Variants in EEA1 observed in about 807,000 individuals in gnomAD.
EEA1 encodes the protein early endosome antigen 1.
Under a neutral mutation model 209.2 loss-of-function variants are expected in EEA1, and 111 were observed. That is an observed-to-expected ratio of 0.53 (90% CI 0.45 to 0.62). The LOEUF (loss-of-function observed/expected upper bound fraction) is 0.62. EEA1 is among the 20% of genes least tolerant of loss of function. EEA1 has a pLI of 0.00. For missense variants in EEA1, 1,343 were observed against 1,530.8 expected, an observed-to-expected ratio of 0.88 and a Z score of 2.05; for synonymous variants, 536 against 540.6, an observed-to-expected ratio of 0.99 and a Z score of 0.12.
At chr12:92,795,723 T>TC (rs1874629566) in intron 21 of EEA1, among the ~76,000 whole-genome samples, 1 of 152,212 alleles carries the variant, frequency 6.6e-6, no homozygotes, top group Admixed American at 6.5e-5. Context: ...TCCCATGCCA[T>TC]CCTCCTTTCA....
chr12:92,773,925 C>G lies in EEA1; in HGVS notation c.*2086G>C, dbSNP rs1387927986. ...ACACCTATATATGGTTACTTGTTGT[C>G]TTAAAATTTTTTTGTGAGTATTTTG... On this transcript the variant is annotated 3_prime_UTR_variant, in exon 29 of 29. Transcript: ENST00000322349. 7.4e-6 allele frequency: 1 copy of G among 135,540 alleles called. No homozygotes were observed. Among genetic ancestry groups the G allele is most frequent in the Non-Finnish European group, 1.7e-5 (1 of 59,916 alleles). The allele number at this position is 135,540 out of a possible 1,614,324, so 8.4% of individuals were successfully genotyped here.
intron 1 of EEA1, among the ~76,000 whole-genome samples, chr12:92,921,060 C>T (rs1880968535): frequency 6.6e-6 from 1 of 152,198 alleles, no homozygotes; most frequent in Admixed American, 6.5e-5. Flanking sequence ...TACCATCTCA[C>T]ACCAGTTAGA....
intron 3 of EEA1, chr12:92,859,102 C>T (rs1334588267): frequency 2.1e-6 from 2 of 965,894 alleles, no homozygotes; most frequent in Admixed American, 2.0e-5. Context: ...TAGTACCTCT[C>T]AGAAGAGTGA....
At chr12:92,813,354 GAAAGA>G (rs1592715794) in intron 15 of EEA1, among the ~76,000 whole-genome samples, 4 of 152,164 alleles carry the variant, frequency 2.6e-5, no homozygotes, top group Non-Finnish European at 1.5e-5. Context: ...CCTTTGCTAA[GAAAGA>G]AAAGGTACAC....
rs1032585374 is a variant in EEA1, at chr12:92,865,170, T to C, written c.118-183A>G. 1.7e-4 allele frequency among the ~76,000 whole-genome samples: 26 copies of C among 152,178 alleles called. No individual in the cohort carries two copies. Among genetic ancestry groups the C allele is most frequent in the African/African-American group, 5.6e-4 (23 of 41,440 alleles). On this transcript the variant is annotated intron_variant, in intron 2 of 28. Transcript: ENST00000322349. ...AAAGATACTTCATTGTCTATTCTAGTTGAAGTTTACAAAATACAAAGAAAG... is the reference window on the plus strand; with the variant it reads ...AAAGATACTTCATTGTCTATTCTAGCTGAAGTTTACAAAATACAAAGAAAG...
At chr12:92,813,392 G>A (rs182328765) in intron 15 of EEA1, among the ~76,000 whole-genome samples, 1 of 152,208 alleles carries the variant, frequency 6.6e-6, no homozygotes, top group Non-Finnish European at 1.5e-5. Context: ...AAAGGCCACT[G>A]TATTTTCAGA....
Position 92,773,065 on chromosome 12 carries a change from G to C in EEA1, c.*2946C>G, listed in dbSNP as rs1049289740. 4 of 152,056 alleles carry C rather than the reference G, an allele frequency of 2.6e-5. No individual in the cohort carries two copies. The highest frequency in any genetic ancestry group is 6.6e-5 in the Admixed American group (1 of 15,206). The allele number at this position is 152,056 out of a possible 1,614,324, so 9.4% of individuals were successfully genotyped here. ...ATAATTACAGAATACCATTCATCAA[G>C]CTCATGTCTAGGAATACTATAATGG... On this transcript the variant is annotated 3_prime_UTR_variant, in exon 29 of 29. Transcript: ENST00000322349.
In EEA1 at chr12:92,788,044, CTCTG is replaced by C; in HGVS notation, c.2969_2972del (p.Thr990SerfsTer10). Reference sequence around the variant, plus strand: ...ACTGCTGCTGTAGTTTATTCTCAAGCTCTGTCTGAAACATACAATAGTTATTTAA... The same window carrying C: ...ACTGCTGCTGTAGTTTATTCTCAAGCTCTGAAACATACAATAGTTATTTAA... On this transcript the variant is annotated frameshift_variant and splice_region_variant, in exon 22 of 29. Coordinates refer to ENST00000322349, the MANE Select transcript of EEA1 (RefSeq NM_003566.4). LOFTEE classifies it high-confidence loss of function. The C allele has an allele frequency of 6.3e-7, 1 of 1,597,170 alleles. No homozygotes were observed.
intron 9 of EEA1, among the ~76,000 whole-genome samples, chr12:92,849,472 T>G (rs1399544581): frequency 6.6e-6 from 1 of 152,208 alleles, no homozygotes; most frequent in Non-Finnish European, 1.5e-5. Context: ...TTCTGCTGAT[T>G]AATAATACCA....
chr12:92,796,545 A>G (rs1874661209), intron 21 of EEA1, among the ~76,000 whole-genome samples: 1 of 152,016 alleles, frequency 6.6e-6, no homozygotes, highest in African/African-American at 2.4e-5. Flanking sequence ...ATCTACTTAT[A>G]TATATAACTC....
chr12:92,794,595 G>GTTT (rs1402787828), intron 21 of EEA1, among the ~76,000 whole-genome samples: 1 of 152,038 alleles, frequency 6.6e-6, no homozygotes. Flanking sequence ...CATGGATGAA[G>GTTT]CTGGAAACCA....
At chr12:92,874,216 G>A (rs1337334235) in intron 2 of EEA1, among the ~76,000 whole-genome samples, 1 of 152,092 alleles carries the variant, frequency 6.6e-6, no homozygotes, top group African/African-American at 2.4e-5. Context: ...AGGTACTTAG[G>A]AGGTTGAGGC....
chr12:92,887,295 G>C (rs6538362), intron 2 of EEA1, among the ~76,000 whole-genome samples: 140,896 of 152,150 alleles, frequency 0.93, 65,321 homozygotes, highest in East Asian at 1. Flanking sequence ...AGACCAGCCT[G>C]CAACCAGAGT....
intron 10 of EEA1, among the ~76,000 whole-genome samples, chr12:92,833,935 C>A (rs1380431942): frequency 6.6e-6 from 1 of 152,006 alleles, no homozygotes; most frequent in East Asian, 1.9e-4. Context: ...TAGTTAAGAT[C>A]ATCTAAATAC....
chr12:92,853,122 TAA>T, intron 6 of EEA1, 97 bp from the exon 7 acceptor site: 1 of 749,716 alleles, frequency 1.3e-6, no homozygotes, highest in Non-Finnish European at 2.1e-6. Context: ...ATGATCAACT[TAA>T]GTTTATTATC....
chr12:92,858,612 A>G (rs1877992823), intron 3 of EEA1: 1 of 736,628 alleles, frequency 1.4e-6, no homozygotes, highest in Admixed American at 1.8e-5. Context: ...TGCCTGGGTT[A>G]TGCCCTGATT....
At chr12:92,793,120 G>A (rs1339776992) in intron 21 of EEA1, among the ~76,000 whole-genome samples, 1 of 152,044 alleles carries the variant, frequency 6.6e-6, no homozygotes, top group Non-Finnish European at 1.5e-5. Flanking sequence ...AGATATTGAG[G>A]GAACGTATCT....
At chr12:92,858,918 A>C (rs1433222913) in intron 3 of EEA1, 1 of 704,390 alleles carries the variant, frequency 1.4e-6, no homozygotes, top group Non-Finnish European at 2.6e-6. Context: ...TGGGGTGTTC[A>C]TGGAGGAGGT....
chr12:92,835,779 C>T (rs879754298), intron 10 of EEA1, among the ~76,000 whole-genome samples: 9 of 152,002 alleles, frequency 5.9e-5, no homozygotes, highest in Admixed American at 2.0e-4. Flanking sequence ...ATTGCCTTGT[C>T]CCAAAAAAAT....
Sources: gnomAD v4.1 joint callset for allele counts (sites outside exome capture counted in the v4.1 genomes callset) on GRCh38, gnomAD v4.1.1 for gene constraint, MANE v1.5 for transcripts, NCBI Gene and HGNC (gene_info 2026-07-23, HGNC 2026-07-21) for gene names.